Variants in ZNF345 observed in about 807,000 individuals in gnomAD.
ZNF345 encodes zinc finger protein HZF10.
For missense variants in ZNF345, 527 were observed against 589.9 expected (o/e 0.89, Z 1.10); for synonymous variants, 166 against 187.9 (o/e 0.88, Z 0.95).
intron 2 of ZNF345, among the ~76,000 whole-genome samples, chr19:36,869,290 G>T (rs747726220): frequency 2.0e-5 from 3 of 151,742 alleles, no homozygotes; most frequent in Non-Finnish European, 2.9e-5. Context: ...ATACAAATTA[G>T]GAACAGCACA....
At chr19:36,889,420 C>A (rs747363645) in intron 3 of ZNF345, 1 of 151,992 alleles carries the variant, frequency 6.6e-6, no homozygotes, top group African/African-American at 2.4e-5. Context: ...TCTGTCTGGT[C>A]CTGGGCTTTT....
At chr19:36,860,176 C>T (rs1018677998) in intron 2 of ZNF345, among the ~76,000 whole-genome samples, 1 of 152,146 alleles carries the variant, frequency 6.6e-6, no homozygotes, top group African/African-American at 2.4e-5. Flanking sequence ...CCAGAATGGT[C>T]TCAATCTCCT....
At chr19:36,892,405 A>G in intron 3 of ZNF345, 3 of 1,611,484 alleles carry the variant, frequency 1.9e-6, no homozygotes, top group Non-Finnish European at 2.5e-6. Context: ...TTCACGGGTA[A>G]TTATTACTTG....
At chr19:36,860,360 T>TA (rs2072522536) in intron 2 of ZNF345, among the ~76,000 whole-genome samples, 1 of 152,206 alleles carries the variant, frequency 6.6e-6, no homozygotes, top group Non-Finnish European at 1.5e-5. Context: ...GATACTCTAA[T>TA]CCATATTTAA....
chr19:36,877,316 T>C lies in ZNF345; in HGVS notation c.486T>C (p.Ile162=). ...GKAFSFGSGL[I]RHQIIHSGEK... is the part of the protein sequence containing the mutation. Reference sequence around the variant, plus strand: ...CCTTTAGTTTTGGATCAGGCCTTATTCGACATCAGATCATTCACAGTGGTG... The same window carrying C: ...CCTTTAGTTTTGGATCAGGCCTTATCCGACATCAGATCATTCACAGTGGTG... Residue 162 remains isoleucine (I), a synonymous_variant, in exon 3 of 3, where the codon ATT becomes ATC. Transcript: ENST00000420450. The C allele has an allele frequency of 6.2e-7, 1 of 1,614,032 alleles. No homozygotes were observed. The highest frequency in any genetic ancestry group is 8.5e-7 in the Non-Finnish European group (1 of 1,179,992).
chr19:36,853,686 C>T (rs1457802898), intron 2 of ZNF345, among the ~76,000 whole-genome samples: 1 of 152,130 alleles, frequency 6.6e-6, no homozygotes, highest in Non-Finnish European at 1.5e-5. Context: ...ATTTTCTGCA[C>T]TGATATGCAG....
chr19:36,893,182 C>A, downstream of ZNF345: 3 of 392,614 alleles, frequency 7.6e-6, no homozygotes, highest in Non-Finnish European at 1.3e-5. Context: ...TGGCAAATCA[C>A]CAGCCTCCGA....
intron 3 of ZNF345, among the ~76,000 whole-genome samples, chr19:36,887,629 A>C (rs188015145): frequency 6.6e-6 from 1 of 152,238 alleles, no homozygotes; most frequent in Non-Finnish European, 1.5e-5. Flanking sequence ...ATGTTATTAC[A>C]TGGAGTCATT....
chr19:36,867,439 TTCTC>T (rs2072682742), intron 2 of ZNF345, among the ~76,000 whole-genome samples: 1 of 152,206 alleles, frequency 6.6e-6, no homozygotes, highest in Non-Finnish European at 1.5e-5. Context: ...CAACTATTGA[TTCTC>T]TCTAGTTTTA....
chr19:36,859,966 G>T (rs1057500722), intron 2 of ZNF345, among the ~76,000 whole-genome samples: 1 of 151,406 alleles, frequency 6.6e-6, no homozygotes, highest in African/African-American at 2.4e-5. Flanking sequence ...TTGTTTGTTT[G>T]TTTGTTTTTT....
intron 2 of ZNF345, among the ~76,000 whole-genome samples, chr19:36,853,037 CTT>C (rs2146115282): frequency 6.6e-6 from 1 of 151,726 alleles, no homozygotes; most frequent in East Asian, 1.9e-4. Context: ...GTAAATTAAT[CTT>C]TTTTCAGTTG....
chr19:36,886,257 T>G (rs497144), intron 3 of ZNF345, among the ~76,000 whole-genome samples: 34,431 of 152,090 alleles, frequency 0.23, 5,566 homozygotes, highest in African/African-American at 0.45. Context: ...GCTCCTTAAG[T>G]ACGTGCTGTG....
chr19:36,876,302 TTA>T (rs2072880188), intron 2 of ZNF345, among the ~76,000 whole-genome samples: 1 of 152,202 alleles, frequency 6.6e-6, no homozygotes, highest in African/African-American at 2.4e-5. Flanking sequence ...TATATGCAAA[TTA>T]TGTTTATTAC....
At position 36,877,099 on chromosome 19, in the gene ZNF345, A is replaced by G. The variant is rs201387485; in HGVS notation, c.269A>G (p.Tyr90Cys). 6 of 1,614,044 alleles carry G rather than the reference A, an allele frequency of 3.7e-6. No individual in the cohort carries two copies. The highest frequency in any genetic ancestry group is 5.1e-6 in the Non-Finnish European group (6 of 1,180,022). ...HQRIHTGEKPYECKECGKAFG... is the reference protein window; with the variant it reads ...HQRIHTGEKPCECKECGKAFG... ...CGAATTCATACTGGTGAGAAACCTT[A>G]TGAATGCAAAGAATGTGGCAAGGCC... Residue 90 changes from tyrosine (Y) to cysteine (C), a missense_variant, in exon 3 of 3, where the codon TAT becomes TGT. Transcript: ENST00000420450.
At chr19:36,892,196 C>T (rs748090810) in intron 3 of ZNF345, 31 of 1,613,982 alleles carry the variant, frequency 1.9e-5, no homozygotes, top group South Asian at 1.5e-4. Context: ...TGTCGAGTAA[C>T]GAGTGAGCCA....
chr19:36,892,244 G>A, intron 3 of ZNF345: 1 of 1,614,026 alleles, frequency 6.2e-7, no homozygotes, highest in Non-Finnish European at 8.5e-7. Context: ...GATTCATAGT[G>A]TTTTTCACCA....
intron 2 of ZNF345, among the ~76,000 whole-genome samples, chr19:36,874,506 G>A (rs560797733): frequency 0.011 from 1,103 of 103,098 alleles, 10 homozygotes; most frequent in Non-Finnish European, 0.015. Context: ...AAAAAAAAAA[G>A]GGGGGTGGGG....
chr19:36,892,380 A>T, intron 3 of ZNF345: 1 of 1,613,268 alleles, frequency 6.2e-7, no homozygotes, highest in Non-Finnish European at 8.5e-7. Flanking sequence ...TGGGCTGAAT[A>T]AAAGTAGACA....
chr19:36,876,876 G>C lies in ZNF345; in HGVS notation c.46G>C (p.Gly16Arg). The C allele has an allele frequency of 6.2e-7, 1 of 1,613,862 alleles. No individual in the cohort carries two copies. The highest frequency in any genetic ancestry group is 2.2e-5 in the East Asian group (1 of 44,866). The change falls in exon 3 of 3, where the codon GGT (glycine) becomes CGT (arginine). Residue 16 changes from glycine to arginine, a missense_variant. Coordinates refer to ENST00000420450, the MANE Select transcript of ZNF345 (RefSeq NM_001242472.2). The part of the protein sequence containing the change: ...KHSIECSSFR[G>R]DWECKNQFER... Reference sequence around the variant, plus strand: ...CAGCATTGAGTGTTCAAGTTTCAGAGGTGATTGGGAATGTAAAAACCAGTT... The same window carrying C: ...CAGCATTGAGTGTTCAAGTTTCAGACGTGATTGGGAATGTAAAAACCAGTT...
Sources: allele counts gnomAD v4.1 joint callset (sites outside exome capture counted in the v4.1 genomes callset), GRCh38; gene constraint gnomAD v4.1.1; transcripts MANE v1.5; gene names NCBI Gene and HGNC (gene_info 2026-07-23, HGNC 2026-07-21).